Variants in SAMD3 observed in about 807,000 individuals in gnomAD.
The protein encoded by SAMD3 is sterile alpha motif domain-containing protein 3.
In SAMD3, 63 loss-of-function variants were observed where a neutral mutation model predicts 58.5. That is an observed-to-expected ratio of 1.08 (90% confidence interval 0.88 to 1.33). The LOEUF (loss-of-function observed/expected upper bound fraction) is 1.33, where lower values mean the gene tolerates loss of function less well. SAMD3 is among the 40% of genes most tolerant of loss of function. The pLI, the probability that SAMD3 is intolerant of heterozygous loss-of-function variation, is 0.00. For synonymous variants in SAMD3, 220 were observed against 210.3 expected, an observed-to-expected ratio of 1.05 and a Z score of -0.40; for missense variants, 604 against 608.4, an observed-to-expected ratio of 0.99 and a Z score of 0.08.
chr6:130,301,530 C>T (rs77046461), intron 2 of SAMD3, among the ~76,000 whole-genome samples: 18,368 of 152,066 alleles, frequency 0.12, 1,529 homozygotes, highest in East Asian at 0.36. Flanking sequence ...AAATTCAATG[C>T]TATTCCTATC....
chr6:130,329,689 G>A (rs1237152471), intron 1 of SAMD3, among the ~76,000 whole-genome samples: 1 of 152,106 alleles, frequency 6.6e-6, no homozygotes, highest in East Asian at 1.9e-4. Context: ...TGATAGACTG[G>A]ATAAAGAAAA....
At chr6:130,219,717 T>C (rs1418638928) in intron 1 of SAMD3, among the ~76,000 whole-genome samples, 1 of 152,228 alleles carries the variant, frequency 6.6e-6, no homozygotes, top group Admixed American at 6.5e-5. Context: ...CACAGTTTCT[T>C]TATCCACTTG....
chr6:130,343,880 G>A (rs1307753363), intron 1 of SAMD3, among the ~76,000 whole-genome samples: 10 of 152,042 alleles, frequency 6.6e-5, no homozygotes, highest in Admixed American at 1.3e-4. Context: ...CGGGAGAATC[G>A]CTTGAACCGG....
intron 5 of SAMD3, among the ~76,000 whole-genome samples, chr6:130,191,064 A>G (rs1393798028): frequency 6.6e-6 from 1 of 151,684 alleles, no homozygotes; most frequent in Non-Finnish European, 1.5e-5. Context: ...CATACTAGAT[A>G]TCTGCCTTTT....
At chr6:130,284,858 TAGAGAA>T (rs1775102840) in intron 2 of SAMD3, among the ~76,000 whole-genome samples, 2 of 152,150 alleles carry the variant, frequency 1.3e-5, no homozygotes, top group Non-Finnish European at 2.9e-5. Context: ...ACAACATATA[TAGAGAA>T]CATTTTATAC....
intron 2 of SAMD3, among the ~76,000 whole-genome samples, chr6:130,264,038 C>T (rs1406281102): frequency 6.6e-6 from 1 of 152,192 alleles, no homozygotes; most frequent in Non-Finnish European, 1.5e-5. Flanking sequence ...TACCAAGATG[C>T]AAATGCCTGG....
At chr6:130,175,626 C>A (rs967538951) in intron 8 of SAMD3, 9 of 375,708 alleles carry the variant, frequency 2.4e-5, no homozygotes, top group African/African-American at 1.9e-4. Flanking sequence ...AAACTGGACA[C>A]GAGATGTTCA....
chr6:130,149,361 A>G (rs527996605), intron 9 of SAMD3, among the ~76,000 whole-genome samples: 1 of 152,346 alleles, frequency 6.6e-6, no homozygotes, highest in East Asian at 1.9e-4. Flanking sequence ...TTGACCCAAC[A>G]ATCCCATTAC....
upstream of SAMD3, chr6:130,365,490 G>A (rs1260175256): frequency 8.1e-6 from 8 of 985,192 alleles, no homozygotes; most frequent in Non-Finnish European, 8.4e-6. Flanking sequence ...CCGGCCCGCC[G>A]GGCGGCATCT....
Position 130,355,302 on chromosome 6 carries a change from T to C in SAMD3, c.-304+9818A>G, listed in dbSNP as rs535019913. ...AGCCGAGCATGGTAGCATACACCTG[T>C]AATATCAGCTACTCAGGAGGCTGAG... On this transcript the variant is annotated intron_variant, in intron 1 of 13. Transcript: ENST00000368134. 4.6e-5 allele frequency among the ~76,000 whole-genome samples: 7 copies of C among 152,272 alleles called. No homozygotes were observed. The East Asian group carries it at 1.4e-3, about 29-fold the overall frequency.
chr6:130,188,859 T>C lies in SAMD3; in HGVS notation c.384-4236A>G, dbSNP rs530653419. On this transcript the variant is annotated intron_variant, in intron 5 of 11. Transcript: ENST00000439090. ...ATTTGCTGATTTATACCTCCTTTAC[T>C]TTCTGTGAGAATTTGCACATGGCTT... is the stretch of plus-strand genomic sequence containing the variant. Among the ~76,000 whole-genome samples the C allele has an allele frequency of 1.4e-3, 214 of 152,312 alleles. 1 individual carries two copies. Among genetic ancestry groups the C allele is most frequent in the East Asian group, 2.1e-3 (11 of 5,190 alleles).
chr6:130,217,187 A>G (rs529620844), intron 1 of SAMD3, among the ~76,000 whole-genome samples: 29 of 152,326 alleles, frequency 1.9e-4, no homozygotes, highest in African/African-American at 6.7e-4. Context: ...ATAAAACAAT[A>G]TCACTGGCTA....
chr6:130,288,509 G>A (rs1168392654), intron 2 of SAMD3, among the ~76,000 whole-genome samples: 1 of 152,210 alleles, frequency 6.6e-6, no homozygotes. Flanking sequence ...CTAAACAACT[G>A]TGTACCATAG....
chr6:130,208,755 TAATAGA>T (rs1210467236), intron 5 of SAMD3, among the ~76,000 whole-genome samples: 1 of 152,092 alleles, frequency 6.6e-6, no homozygotes, highest in Admixed American at 6.6e-5. Context: ...TAGAATATAA[TAATAGA>T]AATAAAGTGT....
At chr6:130,216,983 G>A (rs1038548059) in intron 1 of SAMD3, among the ~76,000 whole-genome samples, 16 of 152,190 alleles carry the variant, frequency 1.1e-4, no homozygotes, top group African/African-American at 3.9e-4. Context: ...ATACTGCCTT[G>A]TAGTCATCGA....
intron 9 of SAMD3, 30 bp from the exon 10 acceptor site, chr6:130,146,211 C>G: frequency 2.1e-6 from 3 of 1,435,340 alleles, no homozygotes; most frequent in Non-Finnish European, 2.8e-6. Context: ...ATGGATACAT[C>G]AGATCACAAG....
chr6:130,244,967 C>A (rs894099671), intron 2 of SAMD3, among the ~76,000 whole-genome samples: 4 of 151,962 alleles, frequency 2.6e-5, no homozygotes, highest in Admixed American at 2.0e-4. Flanking sequence ...ATTGTTAGGA[C>A]GCATGCATGG....
At chr6:130,362,973 C>T (rs936781691) in intron 1 of SAMD3, among the ~76,000 whole-genome samples, 59 of 152,046 alleles carry the variant, frequency 3.9e-4, no homozygotes, top group African/African-American at 1.4e-3. Context: ...TTTCCTCTAC[C>T]TTTTTCTTTA....
At chr6:130,325,368 C>T (rs372341411) in intron 1 of SAMD3, among the ~76,000 whole-genome samples, 1 of 152,130 alleles carries the variant, frequency 6.6e-6, no homozygotes. Context: ...GCTGGAGAAC[C>T]TGGAGGTCTG....
Sources: gnomAD v4.1 joint callset for allele counts (sites outside exome capture counted in the v4.1 genomes callset) on GRCh38, gnomAD v4.1.1 for gene constraint, MANE v1.5 for transcripts, NCBI Gene and HGNC (gene_info 2026-07-23, HGNC 2026-07-21) for gene names.